Variants in ATP5MJ observed in about 807,000 individuals in gnomAD.
ATP5MJ encodes ATP synthase F(0) complex subunit j, mitochondrial.
A neutral mutation model predicts 8.3 loss-of-function variants in ATP5MJ; 4 were observed. The observed-to-expected ratio is 0.48, with a 90% CI of 0.24 to 1.11. The LOEUF (loss-of-function observed/expected upper bound fraction) is 1.11. Ranked by LOEUF, ATP5MJ falls within the 50% of genes least tolerant of loss-of-function variation. ATP5MJ has a pLI of 0.18. For missense variants in ATP5MJ, 66 were observed against 71.8 expected, an observed-to-expected ratio of 0.92 and a Z score of 0.29; for synonymous variants, 23 against 21.3, an observed-to-expected ratio of 1.08 and a Z score of -0.23.
At chr14:103,914,927 A>AT (rs1241600845) in intron 2 of ATP5MJ, 139 bp downstream of exon 2, 2 of 1,088,756 alleles carry the variant, frequency 1.8e-6, no homozygotes, top group East Asian at 2.7e-5. Flanking sequence ...TGCTCCCTGT[A>AT]TTTTTTACGA....
At chr14:103,919,191 T>A (rs2087650962) in intron 1 of ATP5MJ, among the ~76,000 whole-genome samples, 1 of 151,660 alleles carries the variant, frequency 6.6e-6, no homozygotes, top group Non-Finnish European at 1.5e-5. Context: ...GAGACCAGCC[T>A]GGCTAACATG....
intron 1 of ATP5MJ, among the ~76,000 whole-genome samples, chr14:103,920,132 T>TTTTTC (rs2087662996): frequency 8.1e-6 from 1 of 122,762 alleles, no homozygotes; most frequent in South Asian, 2.7e-4. Flanking sequence ...GCCCCTACTT[T>TTTTTC]TTTTTTTTTT....
intron 2 of ATP5MJ, 166 bp downstream of exon 2, chr14:103,914,900 C>G: frequency 4.5e-6 from 3 of 667,074 alleles, no homozygotes; most frequent in East Asian, 3.6e-5. Flanking sequence ...CCCCAAATGT[C>G]TTTTATAGCT....
intron 2 of ATP5MJ, chr14:103,914,844 A>AAAAAAAAAAAAAAAAAAAAAT: frequency 2.4e-6 from 1 of 425,230 alleles, no homozygotes; most frequent in East Asian, 4.7e-5. Flanking sequence ...CTCCAAAAAA[A>AAAAAAAAAAAAAAAAAAAAAT]AAAAAAAAAA....
chr14:103,921,084 T>C, intron 1 of ATP5MJ: 4 of 1,515,204 alleles, frequency 2.6e-6, no homozygotes, highest in Non-Finnish European at 3.6e-6. Context: ...GCAAGGAAAC[T>C]TGAGTTATAA....
chr14:103,912,468 G>A lies in ATP5MJ; in HGVS notation c.*198C>T, dbSNP rs546450032. On this transcript the variant is annotated 3_prime_UTR_variant, in exon 4 of 4. Transcript: ENST00000286953. ...TATCTACTCAGAGTATGCCTGACAC[G>A]CCGGAGGGGCTGAGGGGGAACACAC... is the stretch of plus-strand genomic sequence containing the variant. The A allele has an allele frequency of 1.3e-5, 8 of 620,916 alleles. No individual in the cohort carries two copies. Among genetic ancestry groups the A allele is most frequent in the East Asian group, 1.3e-4 (5 of 38,940 alleles). 38.5% of individuals were successfully genotyped at this position (620,916 alleles called of 1,614,324 possible). A position where few individuals can be genotyped will look rare whatever the true frequency, so the allele number is the denominator to read the frequency against.
At chr14:103,920,399 TG>T (rs1213832503) in intron 1 of ATP5MJ, among the ~76,000 whole-genome samples, 1 of 150,620 alleles carries the variant, frequency 6.6e-6, no homozygotes, top group Non-Finnish European at 1.5e-5. Context: ...CCCAAAGTGC[TG>T]GGATTACAGG....
At chr14:103,920,964 T>G in intron 1 of ATP5MJ, 1 of 1,551,732 alleles carries the variant, frequency 6.4e-7, no homozygotes, top group Non-Finnish European at 8.7e-7. Context: ...GGGAAATGTC[T>G]GACCCGCGAG....
At chr14:103,915,299 G>T in intron 1 of ATP5MJ, 110 bp from the exon 2 acceptor site, 1 of 1,264,408 alleles carries the variant, frequency 7.9e-7, no homozygotes, top group Non-Finnish European at 1.1e-6. Flanking sequence ...CTGCTAGGGA[G>T]CCTCGCCTGT....
chr14:103,914,553 C>A (rs1156369809), intron 2 of ATP5MJ: 5 of 687,618 alleles, frequency 7.3e-6, no homozygotes, highest in Non-Finnish European at 1.3e-5. Context: ...TTAATTCCAG[C>A]ACTTTGGGAA....
chr14:103,914,797 A>ATTGCAC, intron 2 of ATP5MJ: 1 of 436,020 alleles, frequency 2.3e-6, no homozygotes, highest in Admixed American at 4.8e-5. Context: ...TGATCGTGCC[A>ATTGCAC]TTGCACTCCA....
intron 1 of ATP5MJ, chr14:103,918,043 T>A (rs1298073806): frequency 6.6e-6 from 1 of 152,258 alleles, no homozygotes; most frequent in African/African-American, 2.4e-5. Context: ...TGGAACACCT[T>A]GCAGATAGTC....
intron 3 of ATP5MJ, 125 bp from the exon 4 acceptor site, chr14:103,912,819 A>G: frequency 5.5e-6 from 5 of 912,470 alleles, no homozygotes; most frequent in Non-Finnish European, 8.6e-6. Context: ...ACCTTTCAAT[A>G]CTATTGAAAA....
intron 3 of ATP5MJ, chr14:103,912,911 G>C (rs1000332545): frequency 5.4e-6 from 3 of 556,042 alleles, no homozygotes; most frequent in African/African-American, 3.8e-5. Context: ...CACCCACAGC[G>C]CAAAGAGAGA....
chr14:103,918,971 A>G (rs1042380965), intron 1 of ATP5MJ, among the ~76,000 whole-genome samples: 8 of 151,434 alleles, frequency 5.3e-5, no homozygotes, highest in Non-Finnish European at 8.8e-5. Flanking sequence ...GCAGTGAGCC[A>G]AGATTGCACC....
In ATP5MJ at chr14:103,916,519, G is replaced by A. The variant is rs1224210605; in HGVS notation, c.1-1330C>T. Among the ~76,000 whole-genome samples the A allele has an allele frequency of 2.6e-5, 4 of 152,174 alleles. No homozygotes were observed. In the South Asian group the frequency reaches 8.3e-4, roughly 31 times the overall value. ...AGGCTGATGTGGGAGGGTCACTTGA[G>A]TCCAGGAGCTCGAGACTAATTTGGG... On this transcript the variant is annotated intron_variant, in intron 1 of 3. Transcript: ENST00000286953.
chr14:103,921,177 C>G, intron 1 of ATP5MJ: 1 of 701,588 alleles, frequency 1.4e-6, no homozygotes, highest in Non-Finnish European at 2.4e-6. Flanking sequence ...CTGGGTTAGG[C>G]AGCTGAACCT....
chr14:103,919,271 C>A (rs2152108110), intron 1 of ATP5MJ, among the ~76,000 whole-genome samples: 1 of 151,140 alleles, frequency 6.6e-6, no homozygotes, highest in Non-Finnish European at 1.5e-5. Context: ...ATCCCAGCTA[C>A]TCGGGAGGCT....
intron 1 of ATP5MJ, among the ~76,000 whole-genome samples, chr14:103,917,477 A>C (rs1469781540): frequency 6.7e-6 from 1 of 148,188 alleles, no homozygotes; most frequent in Admixed American, 6.7e-5. Flanking sequence ...TTTTTGCTTT[A>C]GGGTTTTTTT....
Sources: gnomAD v4.1 joint callset for allele counts (sites outside exome capture counted in the v4.1 genomes callset) on GRCh38, gnomAD v4.1.1 for gene constraint, MANE v1.5 for transcripts, NCBI Gene and HGNC (gene_info 2026-07-23, HGNC 2026-07-21) for gene names.